Variants in TARBP1 observed in about 807,000 individuals in gnomAD.
The protein encoded by TARBP1 is tRNA guanosine 2 -O-methyltransferase TARBP1.
Under a neutral mutation model 178.6 loss-of-function variants are expected in TARBP1, and 144 were observed. The ratio of observed to expected loss-of-function variants is 0.81; its 90% CI spans 0.70 to 0.93. The LOEUF (loss-of-function observed/expected upper bound fraction) is 0.93, where lower values mean the gene tolerates loss of function less well. Among genes scored for constraint, TARBP1 ranks in the 40% least tolerant of loss-of-function variants. TARBP1 has a pLI of 0.00. For missense variants in TARBP1, 2,067 were observed against 2,011.7 expected (o/e 1.03, Z -0.53); for synonymous variants, 787 against 781.0 (o/e 1.01, Z -0.13).
At chr1:234,395,958 T>C (rs1572192499) in intron 26 of TARBP1, among the ~76,000 whole-genome samples, 1 of 152,152 alleles carries the variant, frequency 6.6e-6, no homozygotes, top group South Asian at 2.1e-4. Context: ...GTGACAGATA[T>C]GCTAATTATC....
At chr1:234,458,722 G>A (rs879697703) in intron 8 of TARBP1, among the ~76,000 whole-genome samples, 9 of 152,174 alleles carry the variant, frequency 5.9e-5, no homozygotes, top group Non-Finnish European at 1.3e-4. Flanking sequence ...AGGGGAAGAT[G>A]AGGGGAAATG....
intron 6 of TARBP1, 148 bp from the exon 7 acceptor site, chr1:234,460,544 C>A (rs1016276914): frequency 1.2e-6 from 1 of 840,150 alleles, no homozygotes. Context: ...AAAGGACAGA[C>A]AATACTCAGA....
chr1:234,422,846 C>T (rs1663270341), intron 20 of TARBP1, among the ~76,000 whole-genome samples: 1 of 151,962 alleles, frequency 6.6e-6, no homozygotes, highest in Admixed American at 6.6e-5. Flanking sequence ...TCTCATACAC[C>T]CCATAAATAT....
Position 234,419,906 on chromosome 1 carries a change from TAA to T in TARBP1, c.3555+794_3555+795del, listed in dbSNP as rs1662894468. Among the ~76,000 whole-genome samples the T allele has an allele frequency of 3.9e-5, 6 of 152,296 alleles. No individual in the cohort carries two copies. The South Asian group carries it at 1.2e-3, about 32-fold the overall frequency. On this transcript the variant is annotated intron_variant, in intron 21 of 29. Coordinates refer to ENST00000040877, the MANE Select transcript of TARBP1 (RefSeq NM_005646.4). ...TGTTACTATTTCTCTCTCACAGATATAAGACTTCATAAGATTGTAAAGAAAGA... is the reference window on the plus strand; with the variant it reads ...TGTTACTATTTCTCTCTCACAGATATGACTTCATAAGATTGTAAAGAAAGA...
chr1:234,445,604 T>C (rs1447187288), intron 12 of TARBP1, among the ~76,000 whole-genome samples: 2 of 152,152 alleles, frequency 1.3e-5, no homozygotes, highest in Non-Finnish European at 2.9e-5. Flanking sequence ...AACATGTCAA[T>C]TATACCTCAA....
chr1:234,431,934 C>A (rs566743920), intron 14 of TARBP1, among the ~76,000 whole-genome samples: 1 of 151,714 alleles, frequency 6.6e-6, no homozygotes, highest in Non-Finnish European at 1.5e-5. Flanking sequence ...GTCAGGAGTT[C>A]GAAACCAGCC....
In TARBP1 at chr1:234,429,637, T is replaced by C; in HGVS notation, c.2650A>G (p.Ile884Val). The C allele has an allele frequency of 6.2e-7, 1 of 1,609,874 alleles. No individual in the cohort carries two copies. The highest frequency in any genetic ancestry group is 1.1e-5 in the South Asian group (1 of 90,156). ...ESSSSQGWGK[I>V]VAQYIHDQWV... ...TGATCATGAATATATTGTGCAACTATTTTTCCCCATCCTTGGGAAGATGAC... is the reference window on the plus strand; with the variant it reads ...TGATCATGAATATATTGTGCAACTACTTTTCCCCATCCTTGGGAAGATGAC... Residue 884 changes from isoleucine to valine, a missense_variant, in exon 16 of 30, where the codon ATA becomes GTA. Ile to Val is a conservative substitution (Grantham distance 29, BLOSUM62 3). Coordinates refer to ENST00000040877, the MANE Select transcript of TARBP1 (RefSeq NM_005646.4).
At chr1:234,469,454 A>C (rs912650804) in intron 3 of TARBP1, among the ~76,000 whole-genome samples, 5 of 152,226 alleles carry the variant, frequency 3.3e-5, no homozygotes, top group African/African-American at 4.8e-5. Context: ...TGGTAAATGA[A>C]TAAGTGAAGT....
In TARBP1 at chr1:234,478,183, C is replaced by T. The variant is rs758971859; in HGVS notation, c.921G>A (p.Gln307=). 4 of 1,611,858 alleles carry T rather than the reference C, an allele frequency of 2.5e-6. No homozygotes were observed. Among genetic ancestry groups the T allele is most frequent in the Non-Finnish European group, 3.4e-6 (4 of 1,179,538 alleles). Residue 307 remains glutamine, a synonymous_variant, in exon 1 of 30, where the codon CAG becomes CAA. Coordinates refer to ENST00000040877, the MANE Select transcript of TARBP1 (RefSeq NM_005646.4). Reference sequence around the variant, plus strand: ...CAAAGAGGCAGGTACCGTTTCCTTCCTGGGGCCCGCAGGTGCAGTCGGCCC... The same window carrying T: ...CAAAGAGGCAGGTACCGTTTCCTTCTTGGGGCCCGCAGGTGCAGTCGGCCC... ...ELGADCTCGP[Q]EGNGPSLFWW...
rs57636903 is a variant in TARBP1, at chr1:234,451,766, A to AAAAAAAAAAAAAAAAAAAAC, written c.1723-1201_1723-1200insGTTTTTTTTTTTTTTTTTTT. 1.7e-4 allele frequency among the ~76,000 whole-genome samples: 3 copies of AAAAAAAAAAAAAAAAAAAAC among 17,164 alleles called. 1 individual carries two copies. Among genetic ancestry groups the AAAAAAAAAAAAAAAAAAAAC allele is most frequent in the African/African-American group, 8.2e-4 (2 of 2,428 alleles). The allele number at this position is 17,164 out of a possible 152,430, so 11.3% of individuals were successfully genotyped here. On this transcript the variant is annotated intron_variant, in intron 9 of 29. Coordinates refer to ENST00000040877, the MANE Select transcript of TARBP1 (RefSeq NM_005646.4). ...TCCGTCTCAAAAAAAAAAAAAAAAA[A>AAAAAAAAAAAAAAAAAAAAC]TGATGAATGACTGGATCATCGAAGT...
intron 9 of TARBP1, among the ~76,000 whole-genome samples, chr1:234,453,992 A>T (rs1006656084): frequency 8.5e-5 from 13 of 152,248 alleles, no homozygotes; most frequent in African/African-American, 2.4e-4. Flanking sequence ...TACAGAACCG[A>T]AAAATTAAGG....
In TARBP1 at chr1:234,427,349, T is replaced by C; in HGVS notation, c.3291A>G (p.Gly1097=). The C allele has an allele frequency of 6.2e-7, 1 of 1,612,498 alleles. No homozygotes were observed. The highest frequency in any genetic ancestry group is 8.5e-7 in the Non-Finnish European group (1 of 1,179,276). ...TAACAATATTTGCCGCACAGTCATG[T>C]CCAAGGTTTTCTATGAAGGTCTGTA... ...QDVQTFIENL[G]HDCAANIVME... is the part of the protein sequence containing the mutation. Residue 1097 remains glycine, a synonymous_variant, in exon 19 of 30, where the codon GGA becomes GGG. Coordinates refer to ENST00000040877, the MANE Select transcript of TARBP1 (RefSeq NM_005646.4).
intron 26 of TARBP1, among the ~76,000 whole-genome samples, chr1:234,395,424 A>C (rs954551474): frequency 5.9e-5 from 9 of 152,188 alleles, no homozygotes; most frequent in Non-Finnish European, 1.2e-4. Context: ...AGAGGGGCTA[A>C]AGAAGAGGAG....
At chr1:234,406,193 T>C in intron 23 of TARBP1, 94 bp from the exon 24 acceptor site, 1 of 1,159,972 alleles carries the variant, frequency 8.6e-7, no homozygotes, top group East Asian at 2.4e-5. Context: ...ATGATACAAC[T>C]GCTCCTAGTA....
intron 9 of TARBP1, 66 bp from the exon 10 acceptor site, chr1:234,450,632 T>C (rs890869100): frequency 6.6e-7 from 1 of 1,521,506 alleles, no homozygotes. Flanking sequence ...TCTAATCTCC[T>C]TAAGCCACGT....
At chr1:234,439,100 G>A (rs1217462451) in intron 12 of TARBP1, among the ~76,000 whole-genome samples, 1 of 152,168 alleles carries the variant, frequency 6.6e-6, no homozygotes, top group Non-Finnish European at 1.5e-5. Flanking sequence ...TGCAACAAAT[G>A]TGTTCCAAAA....
intron 10 of TARBP1, among the ~76,000 whole-genome samples, chr1:234,448,934 A>G (rs1356579025): frequency 2.6e-5 from 4 of 152,216 alleles, no homozygotes; most frequent in Non-Finnish European, 5.9e-5. Context: ...ACATGGTGCT[A>G]GTGGAGTCTA....
intron 3 of TARBP1, among the ~76,000 whole-genome samples, chr1:234,468,101 T>C (rs996732568): frequency 2.0e-5 from 3 of 151,944 alleles, no homozygotes; most frequent in Admixed American, 2.0e-4. Flanking sequence ...CATCTGAGTA[T>C]GTCAACCAAA....
intron 1 of TARBP1, among the ~76,000 whole-genome samples, chr1:234,473,036 C>A (rs2103310039): frequency 6.6e-6 from 1 of 151,982 alleles, no homozygotes; most frequent in African/African-American, 2.4e-5. Flanking sequence ...GGCAGATTTG[C>A]ACATATAAAC....
Sources: gnomAD v4.1 joint callset for allele counts (sites outside exome capture counted in the v4.1 genomes callset) on GRCh38, gnomAD v4.1.1 for gene constraint, MANE v1.5 for transcripts, NCBI Gene and HGNC (gene_info 2026-07-23, HGNC 2026-07-21) for gene names.